AMPH: variants seen among roughly 807,000 people sequenced by gnomAD.
AMPH encodes amphiphysin (Stiff-Mann syndrome with breast cancer 128kD autoantigen).
In AMPH, 49 loss-of-function variants were observed where a neutral mutation model predicts 99.1. That is an observed-to-expected ratio of 0.49 (90% CI 0.39 to 0.63). The LOEUF is 0.63. Ranked by LOEUF, AMPH falls within the 20% of genes least tolerant of loss-of-function variation. AMPH has a pLI of 0.00. For missense variants in AMPH, 759 were observed against 863.4 expected (o/e 0.88, Z 1.52); for synonymous variants, 314 against 317.3 (o/e 0.99, Z 0.11).
chr7:38,434,870 T>C (rs1165099086), intron 12 of AMPH, among the ~76,000 whole-genome samples: 1 of 152,218 alleles, frequency 6.6e-6, no homozygotes, highest in Non-Finnish European at 1.5e-5. Context: ...ACTTTGTACT[T>C]TTCTTGGTCA....
intron 17 of AMPH, among the ~76,000 whole-genome samples, chr7:38,398,947 A>G (rs1784766033): frequency 2.0e-5 from 3 of 152,206 alleles, no homozygotes; most frequent in Admixed American, 1.3e-4. Context: ...GACGTTCCTG[A>G]CGTTGTAGGA....
intron 1 of AMPH, 113 bp downstream of exon 1, chr7:38,631,170 C>G: frequency 1.0e-6 from 1 of 970,782 alleles, no homozygotes; most frequent in Non-Finnish European, 1.3e-6. Flanking sequence ...CCCGGCCCCG[C>G]TCCGCAGCGC....
intron 11 of AMPH, among the ~76,000 whole-genome samples, chr7:38,444,980 C>CATATATATCCATATATATATATAT (rs1423731934): frequency 1.1e-3 from 24 of 21,278 alleles, no homozygotes; most frequent in South Asian, 3.3e-3. Flanking sequence ...GAAATATATC[C>CATATATATCCATATATATATATAT]ATATATATAC....
chr7:38,395,152 GA>G (rs1341181975), intron 17 of AMPH, among the ~76,000 whole-genome samples: 3 of 152,024 alleles, frequency 2.0e-5, no homozygotes, highest in African/African-American at 7.2e-5. Flanking sequence ...TCAAAATTTA[GA>G]AAGAGTGCAT....
At chr7:38,617,423 C>T (rs373355841) in intron 1 of AMPH, among the ~76,000 whole-genome samples, 1 of 152,208 alleles carries the variant, frequency 6.6e-6, no homozygotes, top group Admixed American at 6.5e-5. Context: ...CCTTAAATAA[C>T]AGATCAAAAT....
intron 7 of AMPH, among the ~76,000 whole-genome samples, chr7:38,472,911 C>A (rs1460647693): frequency 6.6e-6 from 1 of 152,176 alleles, no homozygotes; most frequent in Non-Finnish European, 1.5e-5. Context: ...GACACTCCAA[C>A]AATTACTTTA....
At chr7:38,518,656 CT>C (rs1789841203) in intron 2 of AMPH, among the ~76,000 whole-genome samples, 1 of 152,156 alleles carries the variant, frequency 6.6e-6, no homozygotes, top group Non-Finnish European at 1.5e-5. Context: ...AAGTAGATAA[CT>C]TGTTTTGATT....
intron 1 of AMPH, among the ~76,000 whole-genome samples, chr7:38,600,667 G>C (rs750721711): frequency 6.6e-6 from 1 of 152,116 alleles, no homozygotes; most frequent in African/African-American, 2.4e-5. Context: ...CATATTAAAT[G>C]ATATGCTAAA....
At chr7:38,387,588 A>C (rs1439369569) in intron 20 of AMPH, among the ~76,000 whole-genome samples, 1 of 152,168 alleles carries the variant, frequency 6.6e-6, no homozygotes, top group Non-Finnish European at 1.5e-5. Context: ...ATCCAACCTG[A>C]CTACCAGAGA....
chr7:38,445,662 C>T (rs531709946), intron 11 of AMPH, among the ~76,000 whole-genome samples: 1 of 152,322 alleles, frequency 6.6e-6, no homozygotes, highest in East Asian at 1.9e-4. Flanking sequence ...CTTAACACCA[C>T]TAGTCATTTG....
At chr7:38,624,450 A>C (rs1794176202) in intron 1 of AMPH, among the ~76,000 whole-genome samples, 1 of 151,952 alleles carries the variant, frequency 6.6e-6, no homozygotes, top group Non-Finnish European at 1.5e-5. Context: ...GCTGCAGTGC[A>C]GTGGCACAAT....
chr7:38,492,548 C>T (rs1788760821), intron 4 of AMPH, among the ~76,000 whole-genome samples: 2 of 152,178 alleles, frequency 1.3e-5, no homozygotes, highest in Admixed American at 1.3e-4. Flanking sequence ...CTAATTTTTA[C>T]AAATCTCAAT....
At chr7:38,589,676 C>T (rs1392843177) in intron 1 of AMPH, among the ~76,000 whole-genome samples, 1 of 152,158 alleles carries the variant, frequency 6.6e-6, no homozygotes, top group Non-Finnish European at 1.5e-5. Flanking sequence ...TCTAAGAATA[C>T]AGGCTTTGCA....
At chr7:38,394,598 T>C (rs1020192660) in intron 17 of AMPH, among the ~76,000 whole-genome samples, 2 of 152,162 alleles carry the variant, frequency 1.3e-5, no homozygotes, top group Admixed American at 6.5e-5. Flanking sequence ...TAAAATTGAA[T>C]CTCGGGACCT....
At chr7:38,519,334 A>C (rs1789868250) in intron 2 of AMPH, among the ~76,000 whole-genome samples, 1 of 152,234 alleles carries the variant, frequency 6.6e-6, no homozygotes, top group Non-Finnish European at 1.5e-5. Context: ...CTGCGCAATT[A>C]TTGAGTTTAA....
intron 1 of AMPH, among the ~76,000 whole-genome samples, chr7:38,607,858 T>C (rs939653449): frequency 3.3e-5 from 5 of 152,232 alleles, no homozygotes; most frequent in African/African-American, 1.2e-4. Flanking sequence ...AAACTCCATT[T>C]ACAAAGCCTT....
chr7:38,546,856 T>C (rs1282806148), intron 1 of AMPH, among the ~76,000 whole-genome samples: 4 of 152,172 alleles, frequency 2.6e-5, no homozygotes, highest in Admixed American at 2.0e-4. Context: ...CTGCATTCTC[T>C]CCAGTTGCCC....
intron 1 of AMPH, among the ~76,000 whole-genome samples, chr7:38,563,131 AATG>A (rs1414494000): frequency 1.6e-5 from 2 of 128,438 alleles, no homozygotes; most frequent in African/African-American, 2.9e-5. Flanking sequence ...TTAAGCACTG[AATG>A]ATGAATGAAT....
chr7:38,511,445 T>C (rs1274180894), intron 2 of AMPH, among the ~76,000 whole-genome samples: 1 of 152,184 alleles, frequency 6.6e-6, no homozygotes, highest in African/African-American at 2.4e-5. Context: ...GCTTTGAATA[T>C]TGCAGTAATA....
Sources: allele counts gnomAD v4.1 joint callset (sites outside exome capture counted in the v4.1 genomes callset), GRCh38; gene constraint gnomAD v4.1.1; transcripts MANE v1.5; gene names NCBI Gene and HGNC (gene_info 2026-07-23, HGNC 2026-07-21).